The following C20orf96 variants were observed in gnomAD, a reference collection of about 807,000 sequenced individuals.
C20orf96 encodes chromosome 20 open reading frame 96.
In C20orf96, 57 loss-of-function variants were observed where a neutral mutation model predicts 52.6. That is an observed-to-expected ratio of 1.08 (90% CI 0.88 to 1.35). The LOEUF (loss-of-function observed/expected upper bound fraction) is 1.35. Ranked by LOEUF, C20orf96 falls within the 40% of genes most tolerant of loss-of-function variation. C20orf96 has a pLI of 0.00. For missense variants in C20orf96, 478 were observed against 443.6 expected (o/e 1.08, Z -0.70); for synonymous variants, 168 against 157.2 (o/e 1.07, Z -0.51).
intron 10 of C20orf96, among the ~76,000 whole-genome samples, chr20:272,137 C>A (rs1427289520): frequency 6.6e-6 from 1 of 151,582 alleles, no homozygotes; most frequent in African/African-American, 2.4e-5. Context: ...TCTAGATGGG[C>A]AAAACTGGCT....
chr20:271,020 A>AGGAGG lies in C20orf96; in HGVS notation c.*182_*186dup. On this transcript the variant is annotated 3_prime_UTR_variant, in exon 11 of 11. Coordinates refer to ENST00000360321, the MANE Select transcript of C20orf96 (RefSeq NM_153269.3). ...GAGGGAGGGAGAGGAGGAAGGAAGG[A>AGGAGG]GGAGGGAAGGGAAGGGGGGAAGAAG... 5.9e-6 allele frequency: 3 copies of AGGAGG among 506,608 alleles called. No individual in the cohort carries two copies. Among genetic ancestry groups the AGGAGG allele is most frequent in the Non-Finnish European group, 1.0e-5 (3 of 296,736 alleles). The allele number at this position is 506,608 out of a possible 1,614,324, so 31.4% of individuals were successfully genotyped here.
At chr20:276,979 G>T (rs975812605) in intron 8 of C20orf96, 65 bp downstream of exon 8, 1 of 1,594,674 alleles carries the variant, frequency 6.3e-7, no homozygotes, top group African/African-American at 1.3e-5. Context: ...GGCAGAGGAT[G>T]GGGAAGAGGG....
At position 279,189 on chromosome 20, in the gene C20orf96, GC is replaced by G; in HGVS notation, c.447del (p.Gln149HisfsTer24). 1 of 1,601,878 alleles carries G rather than the reference GC, an allele frequency of 6.2e-7. No homozygotes were observed. Among genetic ancestry groups the G allele is most frequent in the Non-Finnish European group, 8.5e-7 (1 of 1,176,836 alleles). ...GGTCTCACCGCCAGGGTGTCCTGCT[GC>G]TGCAGCAGGGCCCGCACGTGCAGGG... ...STTLHVRALL[Q>X]QQDTLATIID... On this transcript the variant is annotated frameshift_variant, in exon 5 of 11. Transcript: ENST00000360321. LOFTEE classifies it high-confidence loss of function.
At position 290,671 on chromosome 20, in the gene C20orf96, C is replaced by G. The variant is rs1313849552; in HGVS notation, c.-61G>C. Reference sequence around the variant, plus strand: ...ACCCTGATCTTCTGGTATAACTACTCGGCTTTTCCAACTTCCTTGTCTCAG... The same window carrying G: ...ACCCTGATCTTCTGGTATAACTACTGGGCTTTTCCAACTTCCTTGTCTCAG... On this transcript the variant is annotated 5_prime_UTR_variant, in exon 1 of 11. Transcript: ENST00000360321. 1.2e-6 allele frequency: 2 copies of G among 1,601,864 alleles called. No homozygotes were observed. The highest frequency in any genetic ancestry group is 3.4e-5 in the Admixed American group (2 of 59,162).
Position 279,315 on chromosome 20 carries a change from C to T in C20orf96, c.322G>A (p.Gly108Arg), listed in dbSNP as rs766156164. 1.6e-4 allele frequency: 257 copies of T among 1,603,400 alleles called. 3 individuals carry two copies. In the East Asian group the frequency reaches 5.7e-3, roughly 36 times the overall value. ...IWLMKTSLRS[G>R]RAALRELRSR... ...CGGAGCTCTCGCAGAGCGGCCCTCC[C>T]GCTCCTGAGCGAGGTCTGCGGGCGG... Residue 108 changes from glycine (G) to arginine (R), a missense_variant, in exon 5 of 11, where the codon GGG (glycine) becomes AGG (arginine). Coordinates refer to ENST00000360321, the MANE Select transcript of C20orf96 (RefSeq NM_153269.3).
chr20:280,756 ACC>A (rs1382433609), intron 4 of C20orf96, among the ~76,000 whole-genome samples: 1 of 152,238 alleles, frequency 6.6e-6, no homozygotes, highest in African/African-American at 2.4e-5. Context: ...TCAGCCACTT[ACC>A]ATCTAAGAGA....
chr20:276,898 T>G lies in C20orf96; in HGVS notation c.826-19A>C. ...GGGTTTCCTGTGGAGGAAGAAGAGG[T>G]CTGGCCCCCAGGTGCCTCTTCCTGG... On this transcript the variant is annotated intron_variant, in intron 8 of 10. Transcript: ENST00000360321. 6.2e-7 allele frequency: 1 copy of G among 1,613,558 alleles called. No individual in the cohort carries two copies. The highest frequency in any genetic ancestry group is 8.5e-7 in the Non-Finnish European group (1 of 1,179,774).
At position 279,260 on chromosome 20, in the gene C20orf96, T is replaced by C. The variant is rs1314675597; in HGVS notation, c.377A>G (p.Asn126Ser). ...RSRENFLSKL[N>S]RELIETIQEM... is the part of the protein sequence containing the mutation. ...CTGGATGGTCTCGATCAGCTCCCGG[T>C]TGAGCTTGCTGAGGAAGTTCTCACG... is the stretch of plus-strand genomic sequence containing the variant. Residue 126 changes from asparagine to serine, a missense_variant, in exon 5 of 11, where the codon AAC becomes AGC. Physicochemically the swap from Asn to Ser is conservative, Grantham distance 46. Transcript: ENST00000360321. 1 of 1,611,076 alleles carries C rather than the reference T, an allele frequency of 6.2e-7. No individual in the cohort carries two copies. Among genetic ancestry groups the C allele is most frequent in the Non-Finnish European group, 8.5e-7 (1 of 1,179,206 alleles).
intron 5 of C20orf96, among the ~76,000 whole-genome samples, chr20:278,880 A>G (rs1282136472): frequency 9.4e-6 from 1 of 106,772 alleles, no homozygotes; most frequent in Admixed American, 1.1e-4. Context: ...AGGTGGAGGA[A>G]GCACCACGTG....
chr20:271,378 G>A (rs2011830827), intron 10 of C20orf96, 111 bp from the exon 11 acceptor site: 1 of 794,802 alleles, frequency 1.3e-6, no homozygotes, highest in Non-Finnish European at 2.0e-6. Flanking sequence ...GGGTTGGGGG[G>A]CAATCCCAAA....
At chr20:272,079 T>TA (rs1000257796) in intron 10 of C20orf96, among the ~76,000 whole-genome samples, 2 of 150,246 alleles carry the variant, frequency 1.3e-5, no homozygotes, top group African/African-American at 4.9e-5. Context: ...CAAATACTAT[T>TA]AAAAAAATGA....
intron 10 of C20orf96, among the ~76,000 whole-genome samples, chr20:273,840 G>A (rs2011915603): frequency 7.0e-6 from 1 of 142,522 alleles, no homozygotes; most frequent in South Asian, 2.3e-4. Flanking sequence ...TGGTGCCAGT[G>A]CACTCCAGCC....
intron 4 of C20orf96, among the ~76,000 whole-genome samples, chr20:282,534 A>C (rs2012279109): frequency 6.6e-6 from 1 of 152,204 alleles, no homozygotes; most frequent in Non-Finnish European, 1.5e-5. Flanking sequence ...TTCAGCTTCT[A>C]CATCAATCAA....
chr20:289,737 C>G (rs1303739595), intron 2 of C20orf96, 61 bp from the exon 3 acceptor site: 1 of 1,363,208 alleles, frequency 7.3e-7, no homozygotes, highest in Non-Finnish European at 1.0e-6. Context: ...CTACCCTTTT[C>G]AGATATCTGT....
intron 3 of C20orf96, 59 bp from the exon 4 acceptor site, chr20:284,140 G>A (rs2012323316): frequency 2.2e-6 from 3 of 1,340,750 alleles, no homozygotes; most frequent in Admixed American, 3.4e-5. Flanking sequence ...CCTGAGGCCA[G>A]GTTCCCGGGA....
At chr20:271,916 G>C (rs1160552376) in intron 10 of C20orf96, among the ~76,000 whole-genome samples, 1 of 152,168 alleles carries the variant, frequency 6.6e-6, no homozygotes, top group East Asian at 1.9e-4. Context: ...CCCCATTGCA[G>C]GGACCAGCAC....
At position 283,058 on chromosome 20, in the gene C20orf96, A is replaced by T. The variant is rs567126206; in HGVS notation, c.306+905T>A. On this transcript the variant is annotated intron_variant, in intron 4 of 10. Coordinates refer to ENST00000360321, the MANE Select transcript of C20orf96 (RefSeq NM_153269.3). ...TGAGCTATTAAAAATTTTCTTGAAG[A>T]ATTATTCTATAGTATTTTGTAGTCT... Among the ~76,000 whole-genome samples the T allele has an allele frequency of 2.0e-5, 3 of 152,306 alleles. No individual in the cohort carries two copies. In the South Asian group the frequency reaches 6.2e-4, roughly 32 times the overall value.
Position 286,590 on chromosome 20 carries a change from G to GAAAAGAAAAAGA in C20orf96, c.188-2521_188-2510dup, listed in dbSNP as rs147067453. On this transcript the variant is annotated intron_variant, in intron 3 of 10. Coordinates refer to ENST00000360321, the MANE Select transcript of C20orf96 (RefSeq NM_153269.3). ...AGGGGAAGGGAGGGGAGAGGAAAAG[G>GAAAAGAAAAAGA]AAAAGAAAAAGAAAAAGAAAAAGAA... Among the ~76,000 whole-genome samples the GAAAAGAAAAAGA allele has an allele frequency of 6.6e-5, 10 of 150,380 alleles. 1 individual carries two copies. Among genetic ancestry groups the GAAAAGAAAAAGA allele is most frequent in the Admixed American group, 1.3e-4 (2 of 15,022 alleles).
In C20orf96 at chr20:289,565, G is replaced by A. The variant is rs2012482566; in HGVS notation, c.181C>T (p.Gln61Ter). ...CCCAGGTGCCTCCGCCCACCTGGTT[G>A]GACCCTAGTCAAAGTCTTCATTTTG... ...TSKMKTLTRVQPVFHFKPTTV... is the reference protein window; with the variant it reads ...TSKMKTLTRV The change falls in exon 3 of 11, where the codon CAA becomes TAA. Residue 61 changes from glutamine to a stop codon, truncating the protein, a stop_gained. Transcript: ENST00000360321. LOFTEE classifies it high-confidence loss of function. 2 of 1,612,696 alleles carry A rather than the reference G, an allele frequency of 1.2e-6. No individual in the cohort carries two copies. The highest frequency in any genetic ancestry group is 1.7e-6 in the Non-Finnish European group (2 of 1,178,748).
Sources: allele counts gnomAD v4.1 joint callset (sites outside exome capture counted in the v4.1 genomes callset), GRCh38; gene constraint gnomAD v4.1.1; transcripts MANE v1.5; gene names NCBI Gene and HGNC (gene_info 2026-07-23, HGNC 2026-07-21).